FRRS1: variants seen among roughly 807,000 people sequenced by gnomAD.
FRRS1 encodes the protein ferric chelate reductase 1.
FRRS1 carries 51 observed loss-of-function variants against 70.7 expected under a neutral mutation model. The ratio of observed to expected loss-of-function variants is 0.72; its 90% CI spans 0.58 to 0.91. The LOEUF (loss-of-function observed/expected upper bound fraction) is 0.91, where lower values mean the gene tolerates loss of function less well. Ranked by LOEUF, FRRS1 falls within the 40% of genes least tolerant of loss-of-function variation. The probability of loss-of-function intolerance (pLI) is 0.00; values close to 1 mark genes in which losing one functional copy is unlikely to be tolerated. For missense variants in FRRS1, 672 were observed against 726.0 expected, an observed-to-expected ratio of 0.93 and a Z score of 0.86; for synonymous variants, 225 against 238.7, an observed-to-expected ratio of 0.94 and a Z score of 0.53.
intron 15 of FRRS1, among the ~76,000 whole-genome samples, chr1:99,710,349 C>A (rs1273998302): frequency 2.8e-5 from 4 of 143,354 alleles, no homozygotes; most frequent in Middle Eastern, 3.2e-3. Context: ...ATCAGTCCTT[C>A]CTATCTGGCT....
chr1:99,740,483 C>A (rs767823469), intron 6 of FRRS1, among the ~76,000 whole-genome samples: 1 of 152,234 alleles, frequency 6.6e-6, no homozygotes, highest in Non-Finnish European at 1.5e-5. Flanking sequence ...TTTCCAATCA[C>A]AAATTTACCT....
At chr1:99,734,245 T>C (rs529838138) in intron 7 of FRRS1, among the ~76,000 whole-genome samples, 67 of 152,224 alleles carry the variant, frequency 4.4e-4, no homozygotes, top group Middle Eastern at 3.4e-3. Flanking sequence ...GCTGGGAAAA[T>C]TGGAATACAG....
chr1:99,720,931 G>A (rs1654787662), intron 9 of FRRS1, among the ~76,000 whole-genome samples: 1 of 146,790 alleles, frequency 6.8e-6, no homozygotes, highest in Non-Finnish European at 1.5e-5. Context: ...ATATAATCTG[G>A]GAAACCAGAA....
chr1:99,725,381 C>A (rs961991234), intron 9 of FRRS1, among the ~76,000 whole-genome samples: 1 of 152,158 alleles, frequency 6.6e-6, no homozygotes, highest in Non-Finnish European at 1.5e-5. Context: ...CCCTGTATCC[C>A]CTCGACTGCC....
chr1:99,747,005 T>C (rs1295926378), intron 4 of FRRS1, among the ~76,000 whole-genome samples: 1 of 152,236 alleles, frequency 6.6e-6, no homozygotes, highest in Non-Finnish European at 1.5e-5. Flanking sequence ...ACCTTTATGA[T>C]AATCCACTTC....
chr1:99,742,455 T>G (rs1049312507), intron 4 of FRRS1, among the ~76,000 whole-genome samples, 182 bp from the exon 5 acceptor site: 7 of 152,304 alleles, frequency 4.6e-5, no homozygotes, highest in South Asian at 2.1e-4. Context: ...GAGAACATAT[T>G]AGCAGCTGGC....
intron 7 of FRRS1, among the ~76,000 whole-genome samples, chr1:99,736,728 C>A (rs1336784534): frequency 2.7e-5 from 4 of 147,652 alleles, no homozygotes; most frequent in African/African-American, 1.0e-4. Context: ...ATGTAACAAA[C>A]CTGCACATTG....
rs897696964 is a variant in FRRS1, at chr1:99,705,763, C to T, written c.*3265G>A. ...GCAGACCAGAGAATTTTTTTATTGC[C>T]TCAGCTATTAATGCCAGCCCAACCA... On this transcript the variant is annotated 3_prime_UTR_variant, in exon 17 of 17. Transcript: ENST00000646001. Among the ~76,000 whole-genome samples the T allele has an allele frequency of 6.6e-6, 1 of 152,128 alleles. No individual in the cohort carries two copies. Among genetic ancestry groups the T allele is most frequent in the Non-Finnish European group, 1.5e-5 (1 of 68,020 alleles).
At chr1:99,754,230 C>A (rs1348501026) in intron 1 of FRRS1, among the ~76,000 whole-genome samples, 1 of 152,130 alleles carries the variant, frequency 6.6e-6, no homozygotes, top group Non-Finnish European at 1.5e-5. Context: ...CTTTGTTAGG[C>A]CAAGGCGGGA....
At chr1:99,745,172 T>G (rs1021217877) in intron 4 of FRRS1, among the ~76,000 whole-genome samples, 2 of 152,154 alleles carry the variant, frequency 1.3e-5, no homozygotes, top group Non-Finnish European at 2.9e-5. Context: ...TACTGTTTTG[T>G]GCAAATGCAG....
At chr1:99,751,982 T>C (rs998949624) in intron 1 of FRRS1, among the ~76,000 whole-genome samples, 1 of 152,176 alleles carries the variant, frequency 6.6e-6, no homozygotes, top group Non-Finnish European at 1.5e-5. Flanking sequence ...TGACAAGATA[T>C]AAGGGATGGT....
In FRRS1 at chr1:99,706,272, C is replaced by T. The variant is rs998203780; in HGVS notation, c.*2756G>A. ...TTAATTAGCTGGCTGTGGTGGTGCA[C>T]GGAGTTGGTGCCTGTAGTTCCAGCT... On this transcript the variant is annotated 3_prime_UTR_variant, in exon 17 of 17. Transcript: ENST00000646001. Among the ~76,000 whole-genome samples, 6 of 150,666 alleles carry T rather than the reference C, an allele frequency of 4.0e-5. No homozygotes were observed. Among genetic ancestry groups the T allele is most frequent in the Non-Finnish European group, 5.9e-5 (4 of 67,742 alleles).
chr1:99,713,151 C>A (rs950031772), intron 12 of FRRS1, among the ~76,000 whole-genome samples: 2 of 152,082 alleles, frequency 1.3e-5, no homozygotes, highest in African/African-American at 2.4e-5. Context: ...TTATTTTAAC[C>A]ACAATGCTCA....
At position 99,708,586 on chromosome 1, in the gene FRRS1, A is replaced by G. The variant is rs1239261070; in HGVS notation, c.*442T>C. 8.7e-6 allele frequency: 1 copy of G among 115,330 alleles called. No homozygotes were observed. Among genetic ancestry groups the G allele is most frequent in the African/African-American group, 3.4e-5 (1 of 29,696 alleles). The allele number at this position is 115,330 out of a possible 1,614,324, so 7.1% of individuals were successfully genotyped here. On this transcript the variant is annotated 3_prime_UTR_variant, in exon 17 of 17. Coordinates refer to ENST00000646001, the MANE Select transcript of FRRS1 (RefSeq NM_001361041.2). ...GCACTCCAGCCTGGGCGACAGAGCA[A>G]GACTCTGTCTCAAAAAAAAAAAAAA...
At chr1:99,741,851 T>C (rs1655979787) in intron 5 of FRRS1, among the ~76,000 whole-genome samples, 1 of 152,216 alleles carries the variant, frequency 6.6e-6, no homozygotes, top group African/African-American at 2.4e-5. Context: ...ACAGGTCCTG[T>C]GCTAGGTGAT....
intron 9 of FRRS1, among the ~76,000 whole-genome samples, chr1:99,722,345 T>A (rs1373808745): frequency 3.9e-5 from 6 of 152,164 alleles, no homozygotes; most frequent in Non-Finnish European, 8.8e-5. Flanking sequence ...CTTCTAGAGC[T>A]TACTCTATGA....
chr1:99,719,706 AG>A, intron 9 of FRRS1, 59 bp from the exon 10 acceptor site: 1 of 951,310 alleles, frequency 1.1e-6, no homozygotes, highest in Non-Finnish European at 1.7e-6. Flanking sequence ...CAAATAAAAA[AG>A]GAATTGAGAT....
At chr1:99,719,809 G>T (rs1654725084) in intron 9 of FRRS1, among the ~76,000 whole-genome samples, 162 bp from the exon 10 acceptor site, 1 of 152,062 alleles carries the variant, frequency 6.6e-6, no homozygotes, top group African/African-American at 2.4e-5. Context: ...GCAACATAAA[G>T]ATATATGCAA....
intron 9 of FRRS1, among the ~76,000 whole-genome samples, chr1:99,720,497 A>G (rs1654760546): frequency 6.6e-6 from 1 of 152,174 alleles, no homozygotes; most frequent in Non-Finnish European, 1.5e-5. Context: ...TAACAAATAT[A>G]TATATATGAA....
Sources: gnomAD v4.1 joint callset for allele counts (sites outside exome capture counted in the v4.1 genomes callset) on GRCh38, gnomAD v4.1.1 for gene constraint, MANE v1.5 for transcripts, NCBI Gene and HGNC (gene_info 2026-07-23, HGNC 2026-07-21) for gene names.